Variants in USP10 observed in about 807,000 individuals in gnomAD.
The protein encoded by USP10 is ubiquitin carboxyl-terminal hydrolase 10.
Under a neutral mutation model 84.5 loss-of-function variants are expected in USP10, and 22 were observed. That is an observed-to-expected ratio of 0.26 (90% confidence interval 0.19 to 0.37). The LOEUF (loss-of-function observed/expected upper bound fraction) is 0.37. Among genes scored for constraint, USP10 ranks in the 10% least tolerant of loss-of-function variants. The probability of loss-of-function intolerance (pLI) is 1.00; values close to 1 mark genes in which losing one functional copy is unlikely to be tolerated. For missense variants in USP10, 1,019 were observed against 998.9 expected (o/e 1.02, Z -0.27); for synonymous variants, 454 against 387.6 (o/e 1.17, Z -2.01).
chr16:84,700,338 C>T (rs1904682580), intron 1 of USP10, among the ~76,000 whole-genome samples: 1 of 151,964 alleles, frequency 6.6e-6, no homozygotes, highest in Non-Finnish European at 1.5e-5. Context: ...GGTCGAAGGG[C>T]GGGGGCTCCG....
intron 2 of USP10, among the ~76,000 whole-genome samples, chr16:84,737,505 C>T (rs1169352451): frequency 1.3e-5 from 2 of 152,194 alleles, no homozygotes; most frequent in Non-Finnish European, 2.9e-5. Context: ...TGCTGTGTGC[C>T]TGTGGAATAA....
intron 9 of USP10, among the ~76,000 whole-genome samples, 180 bp downstream of exon 9, chr16:84,763,268 G>A (rs1209792475): frequency 4.0e-5 from 6 of 151,760 alleles, no homozygotes; most frequent in East Asian, 3.9e-4. Context: ...AGTTTATCCC[G>A]AACCTCTGCC....
intron 1 of USP10, among the ~76,000 whole-genome samples, chr16:84,726,579 C>T (rs574184576): frequency 1.3e-5 from 2 of 152,360 alleles, no homozygotes; most frequent in East Asian, 1.9e-4. Context: ...CCCATCCCTG[C>T]TGTGGTGTGG....
At chr16:84,706,256 G>A (rs1905488865) in intron 1 of USP10, among the ~76,000 whole-genome samples, 1 of 152,028 alleles carries the variant, frequency 6.6e-6, no homozygotes, top group South Asian at 2.1e-4. Context: ...AAAAATAGAA[G>A]AGGATTTGAA....
At chr16:84,755,534 T>C (rs1912433353) in intron 4 of USP10, among the ~76,000 whole-genome samples, 1 of 152,106 alleles carries the variant, frequency 6.6e-6, no homozygotes, top group Non-Finnish European at 1.5e-5. Flanking sequence ...GTGCGTATGT[T>C]TGTGTGATTA....
At chr16:84,700,217 T>TG in intron 1 of USP10, 106 bp downstream of exon 1, 1 of 909,232 alleles carries the variant, frequency 1.1e-6, no homozygotes, top group Non-Finnish European at 1.4e-6. Context: ...CGTGTGGGAG[T>TG]GGGGGAGGGC....
intron 4 of USP10, among the ~76,000 whole-genome samples, chr16:84,753,163 T>C (rs1226382082): frequency 1.3e-5 from 2 of 152,068 alleles, no homozygotes; most frequent in African/African-American, 2.4e-5. Flanking sequence ...TTATTTTTCA[T>C]AGCAACAGAG....
chr16:84,724,269 A>G (rs1397200360), intron 1 of USP10, among the ~76,000 whole-genome samples: 2 of 152,202 alleles, frequency 1.3e-5, no homozygotes, highest in East Asian at 1.9e-4. Flanking sequence ...TAAGTGAATC[A>G]TGTTTTCTAA....
chr16:84,775,071 G>T, intron 12 of USP10, 89 bp from the exon 13 acceptor site: 1 of 1,129,156 alleles, frequency 8.9e-7, no homozygotes, highest in Non-Finnish European at 1.3e-6. Context: ...CAGTTTACTT[G>T]CTGGGGAGAA....
chr16:84,772,488 A>T, intron 11 of USP10, 53 bp from the exon 12 acceptor site: 1 of 1,607,258 alleles, frequency 6.2e-7, no homozygotes, highest in Non-Finnish European at 8.5e-7. Context: ...ATGTGGTGTT[A>T]GCTGTTGCAA....
intron 1 of USP10, among the ~76,000 whole-genome samples, chr16:84,728,403 G>GTC (rs1908789874): frequency 6.6e-6 from 1 of 150,900 alleles, no homozygotes; most frequent in Non-Finnish European, 1.5e-5. Flanking sequence ...TCAGTGGTGC[G>GTC]ATCTCGGCTC....
At chr16:84,728,072 T>G (rs56294865) in intron 1 of USP10, among the ~76,000 whole-genome samples, 6,305 of 152,312 alleles carry the variant, frequency 0.041, 179 homozygotes, top group Non-Finnish European at 0.064. Context: ...TCTCCTCCCC[T>G]CTTTTGATAA....
chr16:84,721,754 G>C (rs1232683798), intron 1 of USP10, among the ~76,000 whole-genome samples: 1 of 152,230 alleles, frequency 6.6e-6, no homozygotes, highest in Non-Finnish European at 1.5e-5. Context: ...CTGGAGTGCA[G>C]TGGCGCGATC....
chr16:84,733,582 A>T, intron 2 of USP10, 79 bp downstream of exon 2: 1 of 1,116,226 alleles, frequency 9.0e-7, no homozygotes, highest in Non-Finnish European at 1.3e-6. Flanking sequence ...TTGTTTTTTT[A>T]AATAAAGAAT....
Position 84,700,116 on chromosome 16 carries a change from C to T in USP10, c.21+5C>T. On this transcript the variant is annotated splice_donor_5th_base_variant and intron_variant, in intron 1 of 13. Transcript: ENST00000219473. Reference sequence around the variant, plus strand: ...ATGGCCCTCCACAGCCCGCAGGTAGCCGCCGGTCTGCGCCTTCGGCCGGAA... The same window carrying T: ...ATGGCCCTCCACAGCCCGCAGGTAGTCGCCGGTCTGCGCCTTCGGCCGGAA... 1 of 1,349,090 alleles carries T rather than the reference C, an allele frequency of 7.4e-7. No individual in the cohort carries two copies. 83.6% of individuals were successfully genotyped at this position (1,349,090 alleles called of 1,614,324 possible).
chr16:84,729,724 T>C (rs991057751), intron 1 of USP10, among the ~76,000 whole-genome samples: 1 of 152,242 alleles, frequency 6.6e-6, no homozygotes. Flanking sequence ...CTCATGCATT[T>C]AAGGATTAAA....
Position 84,744,972 on chromosome 16 carries a change from A to C in USP10, c.491A>C (p.Lys164Thr). 1 of 1,613,812 alleles carries C rather than the reference A, an allele frequency of 6.2e-7. No individual in the cohort carries two copies. Among genetic ancestry groups the C allele is most frequent in the Non-Finnish European group, 8.5e-7 (1 of 1,179,724 alleles). Residue 164 changes from lysine (K) to threonine (T), a missense_variant, in exon 4 of 14, where the codon AAA becomes ACA. This residue lies in a region of USP10 where 787 missense variants were observed against 708.8 expected (regional missense o/e 1.11). Transcript: ENST00000219473. ...KRPPGYYSYL[K>T]DGGDDSISTE... ...CCACCTGGATATTACAGCTATTTGA[A>C]AGATGGTGGCGATGATAGTATCTCC...
rs1906374990 is a variant in USP10 at position 84,712,022 on chromosome 16, T to G, written c.21+11911T>G. On this transcript the variant is annotated intron_variant, in intron 1 of 13. Transcript: ENST00000219473. ...GGCATGAGCCACCGCGCCCGGTGGC[T>G]TTTGCTTTTTAAGGTGGACAGAAAC... Among the ~76,000 whole-genome samples the G allele has an allele frequency of 1.3e-5, 2 of 151,966 alleles. 1 individual carries two copies. Among genetic ancestry groups the G allele is most frequent in the South Asian group, 4.2e-4 (2 of 4,808 alleles).
intron 1 of USP10, among the ~76,000 whole-genome samples, chr16:84,723,559 C>A (rs754621275): frequency 2.6e-5 from 4 of 152,140 alleles, no homozygotes; most frequent in Non-Finnish European, 5.9e-5. Context: ...ATTCCTTATC[C>A]TTAGATAAGC....
Sources: allele counts gnomAD v4.1 joint callset (sites outside exome capture counted in the v4.1 genomes callset), GRCh38; gene constraint gnomAD v4.1.1; regional missense constraint gnomAD v4.1.1; transcripts MANE v1.5; gene names NCBI Gene and HGNC (gene_info 2026-07-23, HGNC 2026-07-21).